The following RAPH1 variants were observed in gnomAD, a reference collection of about 807,000 sequenced individuals.
RAPH1 encodes the protein ras-associated and pleckstrin homology domains-containing protein 1.
In RAPH1, 18 loss-of-function variants were observed where a neutral mutation model predicts 88.1. The ratio of observed to expected loss-of-function variants is 0.20; its 90% CI spans 0.14 to 0.30. RAPH1 has a LOEUF of 0.30. Ranked by LOEUF, RAPH1 falls within the 10% of genes least tolerant of loss-of-function variation. RAPH1 has a pLI of 1.00. For missense variants in RAPH1, 1,448 were observed against 1,543.2 expected (o/e 0.94, Z 1.03); for synonymous variants, 587 against 559.0 (o/e 1.05, Z -0.71).
intron 4 of RAPH1, among the ~76,000 whole-genome samples, chr2:203,478,585 G>A (rs2105774234): frequency 6.6e-6 from 1 of 152,082 alleles, no homozygotes; most frequent in East Asian, 1.9e-4. Flanking sequence ...TGCCTTCCAG[G>A]TTCAAGCAAT....
At position 203,535,258 on chromosome 2, in the gene RAPH1, G is replaced by GTGACTGACTGACTGAC. The variant is rs373101454; in HGVS notation, c.-164_-149dup. On this transcript the variant is annotated 5_prime_UTR_variant, in exon 1 of 14. Transcript: ENST00000319170. Reference sequence around the variant, plus strand: ...CAGCAGCTCCCGCGCCGCGCGCTCAGTGACTGACTGACTGACTGACTGACT... The same window carrying GTGACTGACTGACTGAC: ...CAGCAGCTCCCGCGCCGCGCGCTCAGTGACTGACTGACTGACTGACTGACTGACTGACTGACTGACT... 1.8e-4 allele frequency: 27 copies of GTGACTGACTGACTGAC among 146,626 alleles called. No homozygotes were observed. Among genetic ancestry groups the GTGACTGACTGACTGAC allele is most frequent in the African/African-American group, 4.7e-4 (19 of 40,116 alleles). 9.1% of individuals were successfully genotyped at this position (146,626 alleles called of 1,614,324 possible).
At chr2:203,487,183 C>T (rs570797666) in intron 4 of RAPH1, among the ~76,000 whole-genome samples, 2 of 152,294 alleles carry the variant, frequency 1.3e-5, no homozygotes, top group South Asian at 4.1e-4. Context: ...GTCCCTCACG[C>T]ATCTTAATCC....
chr2:203,508,269 G>C (rs1689182622), intron 1 of RAPH1, among the ~76,000 whole-genome samples: 1 of 151,440 alleles, frequency 6.6e-6, no homozygotes, highest in Non-Finnish European at 1.5e-5. Context: ...TATACACTGG[G>C]GTTACAGGCA....
chr2:203,484,022 GC>G (rs937315398), intron 4 of RAPH1, among the ~76,000 whole-genome samples: 1 of 152,100 alleles, frequency 6.6e-6, no homozygotes, highest in African/African-American at 2.4e-5. Context: ...TGACTTCTCA[GC>G]CTTCATAATG....
chr2:203,510,179 T>C (rs536955918), intron 1 of RAPH1, among the ~76,000 whole-genome samples: 47 of 151,948 alleles, frequency 3.1e-4, no homozygotes, highest in African/African-American at 1.1e-3. Context: ...TCATTACTGA[T>C]AAAAGATACA....
chr2:203,499,033 C>T (rs1168195303), intron 1 of RAPH1, among the ~76,000 whole-genome samples: 2 of 152,126 alleles, frequency 1.3e-5, no homozygotes, highest in African/African-American at 4.8e-5. Flanking sequence ...GTAGACTATA[C>T]CACCTGGGTT....
chr2:203,478,194 C>T (rs955019686), intron 4 of RAPH1, among the ~76,000 whole-genome samples: 1 of 151,718 alleles, frequency 6.6e-6, no homozygotes, highest in Non-Finnish European at 1.5e-5. Flanking sequence ...CCACCAAGCC[C>T]GGCTAATTTT....
chr2:203,469,937 T>C (rs1339671061), intron 4 of RAPH1, among the ~76,000 whole-genome samples: 5 of 152,216 alleles, frequency 3.3e-5, no homozygotes, highest in Admixed American at 3.3e-4. Flanking sequence ...ATTAAAGCAA[T>C]GTTTTTTAGA....
At chr2:203,534,505 T>TCCCCCCCCC (rs1486665508) in intron 1 of RAPH1, among the ~76,000 whole-genome samples, 17 of 7,394 alleles carry the variant, frequency 2.3e-3, no homozygotes, top group Non-Finnish European at 4.1e-3. Flanking sequence ...CCTCCCTCCG[T>TCCCCCCCCC]CCACCCCCCC....
chr2:203,472,141 T>A (rs78395862), intron 4 of RAPH1, among the ~76,000 whole-genome samples: 2 of 150,688 alleles, frequency 1.3e-5, no homozygotes, highest in African/African-American at 5.0e-5. Flanking sequence ...TTTTTTTTTT[T>A]TATTTTTTTG....
Position 203,439,906 on chromosome 2 carries a change from C to A in RAPH1, c.3284G>T (p.Gly1095Val), listed in dbSNP as rs2098501731. ...PPIEIPAVFSGNTSPKVAVVN... is the reference protein window; with the variant it reads ...PPIEIPAVFSVNTSPKVAVVN... ...GACTGCCACTTTTGGAGAGGTGTTT[C>A]CCGAGAAAACTGCTGGAATCTCAAT... Residue 1095 changes from glycine (G) to valine (V), a missense_variant, in exon 14 of 14, where the codon GGA becomes GTA. Physicochemically the swap from Gly to Val is moderately radical, Grantham distance 109 (BLOSUM62 -3). Coordinates refer to ENST00000319170, the MANE Select transcript of RAPH1 (RefSeq NM_213589.3). The A allele has an allele frequency of 6.2e-7, 1 of 1,613,688 alleles. No homozygotes were observed. Among genetic ancestry groups the A allele is most frequent in the Non-Finnish European group, 8.5e-7 (1 of 1,179,968 alleles).
At chr2:203,513,859 A>G (rs1042261163) in intron 1 of RAPH1, among the ~76,000 whole-genome samples, 1 of 150,316 alleles carries the variant, frequency 6.7e-6, no homozygotes, top group Non-Finnish European at 1.5e-5. Context: ...AAAATCAAAA[A>G]AATTATACAG....
chr2:203,481,592 T>C (rs1458661750), intron 4 of RAPH1, among the ~76,000 whole-genome samples: 2 of 129,360 alleles, frequency 1.5e-5, no homozygotes, highest in African/African-American at 5.9e-5. Flanking sequence ...TATATATATA[T>C]ATACACATTT....
chr2:203,456,385 T>C (rs917368701), intron 8 of RAPH1, among the ~76,000 whole-genome samples: 11 of 152,224 alleles, frequency 7.2e-5, no homozygotes, highest in Non-Finnish European at 1.6e-4. Flanking sequence ...AAGTGTATGA[T>C]TAAACTTTAA....
chr2:203,437,924 G>A lies in RAPH1; in HGVS notation c.*1513C>T, dbSNP rs1024976996. ...CCCATTTTTATTCTCTTGTTTAGGAGCTGCTCTGAGATTGTTTTATTCCTA... is the reference window on the plus strand; with the variant it reads ...CCCATTTTTATTCTCTTGTTTAGGAACTGCTCTGAGATTGTTTTATTCCTA... On this transcript the variant is annotated 3_prime_UTR_variant, in exon 14 of 14. Coordinates refer to ENST00000319170, the MANE Select transcript of RAPH1 (RefSeq NM_213589.3). 4 of 292,114 alleles carry A rather than the reference G, an allele frequency of 1.4e-5. No homozygotes were observed. Among genetic ancestry groups the A allele is most frequent in the South Asian group, 1.3e-4 (4 of 31,948 alleles). The allele number at this position is 292,114 out of a possible 1,614,324, so 18.1% of individuals were successfully genotyped here. A position where few individuals can be genotyped will look rare whatever the true frequency, so the allele number is the denominator to read the frequency against.
chr2:203,486,216 G>T (rs964917013), intron 4 of RAPH1, among the ~76,000 whole-genome samples: 1 of 152,114 alleles, frequency 6.6e-6, no homozygotes, highest in Admixed American at 6.6e-5. Context: ...AGTTGAAACA[G>T]TGATCACCAT....
At chr2:203,490,801 G>A (rs533386935) in intron 3 of RAPH1, among the ~76,000 whole-genome samples, 1 of 152,038 alleles carries the variant, frequency 6.6e-6, no homozygotes, top group Non-Finnish European at 1.5e-5. Context: ...CCAGCACTTT[G>A]GGAGGCTGAG....
chr2:203,514,878 T>C (rs1041882818), intron 1 of RAPH1, among the ~76,000 whole-genome samples: 4 of 152,108 alleles, frequency 2.6e-5, no homozygotes, highest in African/African-American at 7.2e-5. Flanking sequence ...TTTAACAATC[T>C]TGAAAATCCA....
intron 4 of RAPH1, among the ~76,000 whole-genome samples, chr2:203,462,407 ATACC>A (rs1326941038): frequency 6.6e-6 from 1 of 152,206 alleles, no homozygotes; most frequent in African/African-American, 2.4e-5. Flanking sequence ...ACAAAAAACA[ATACC>A]TACCTGTTTA....
Sources: allele counts gnomAD v4.1 joint callset (sites outside exome capture counted in the v4.1 genomes callset), GRCh38; gene constraint gnomAD v4.1.1; transcripts MANE v1.5; gene names NCBI Gene and HGNC (gene_info 2026-07-23, HGNC 2026-07-21).